The following CAMTA1 variants were observed in gnomAD, a reference collection of about 807,000 sequenced individuals.
CAMTA1 encodes calmodulin binding transcription activator 1, also known as calmodulin-binding transcription activator 1.
CAMTA1 carries 27 observed loss-of-function variants against 170.9 expected under a neutral mutation model. The ratio of observed to expected loss-of-function variants is 0.16; its 90% confidence interval spans 0.12 to 0.22. CAMTA1 has a LOEUF of 0.22. CAMTA1 is among the 10% of genes least tolerant of loss of function. The pLI is 1.00. For missense variants in CAMTA1, 1,619 were observed against 2,217.2 expected (o/e 0.73, Z 5.42); for synonymous variants, 833 against 891.5 (o/e 0.93, Z 1.17).
chr1:7,090,456 G>A (rs999721332), intron 3 of CAMTA1, among the ~76,000 whole-genome samples: 6 of 152,176 alleles, frequency 3.9e-5, no homozygotes, highest in Non-Finnish European at 7.3e-5. Context: ...AGGGAGACAT[G>A]TACTAGTCCA....
chr1:6,827,070 A>C (rs998012636), intron 3 of CAMTA1, among the ~76,000 whole-genome samples: 1 of 152,218 alleles, frequency 6.6e-6, no homozygotes, highest in South Asian at 2.1e-4. Context: ...TTCTTTCTGG[A>C]CCTCAGTCCA....
rs1220875307 is a variant in CAMTA1, at chr1:7,682,997, C to G, written c.2914+5264C>G. Among the ~76,000 whole-genome samples the G allele has an allele frequency of 6.6e-6, 1 of 152,068 alleles. No individual in the cohort carries two copies. The highest frequency in any genetic ancestry group is 1.5e-5 in the Non-Finnish European group (1 of 68,006). On this transcript the variant is annotated intron_variant, in intron 11 of 22. Transcript: ENST00000303635. This position sits in a 1 kb window ranked among gnomAD's most constrained non-coding sequence, Gnocchi z 5.0. ...CCATCCTGGTTAACACGGTGAAACC[C>G]CGCCTCTACTAAAAATACAAAAACA...
chr1:7,598,989 G>C (rs2095421096), intron 6 of CAMTA1, among the ~76,000 whole-genome samples: 1 of 152,148 alleles, frequency 6.6e-6, no homozygotes, highest in Non-Finnish European at 1.5e-5. Flanking sequence ...ATTGCTTTTG[G>C]TGTTTTAGAC....
rs192127003 is a variant in CAMTA1 at position 7,642,870 on chromosome 1, C to T, written c.664+2317C>T. Among the ~76,000 whole-genome samples the T allele has an allele frequency of 9.9e-3, 1,512 of 152,278 alleles. 10 individuals are homozygous for T. Among genetic ancestry groups the T allele is most frequent in the Non-Finnish European group, 0.017 (1,159 of 67,988 alleles). ...CAGGGGGCCCGGCTCAGCTCCTCCA[C>T]CCCTGCACACCATGTCCAAGGGGCT... On this transcript the variant is annotated intron_variant, in intron 7 of 22. Coordinates refer to ENST00000303635, the MANE Select transcript of CAMTA1 (RefSeq NM_015215.4). This position sits in a 1 kb window ranked among gnomAD's most constrained non-coding sequence, Gnocchi z 6.3.
intron 1 of CAMTA1, among the ~76,000 whole-genome samples, chr1:6,788,656 C>T (rs1264582645): frequency 6.6e-6 from 1 of 150,862 alleles, no homozygotes; most frequent in Non-Finnish European, 1.5e-5. Context: ...GGAGTCATCC[C>T]GTTTCCAGTG....
chr1:7,343,720 T>G (rs774491979), intron 5 of CAMTA1, among the ~76,000 whole-genome samples: 2 of 152,220 alleles, frequency 1.3e-5, no homozygotes, highest in Non-Finnish European at 2.9e-5. Flanking sequence ...GTCTTATGAC[T>G]TATAAGTGCA....
At position 7,582,148 on chromosome 1, in the gene CAMTA1, A is replaced by G. The variant is rs113706724; in HGVS notation, c.511-58252A>G. On this transcript the variant is annotated intron_variant, in intron 6 of 22. Transcript: ENST00000303635. ...ATCCCTGAGCTGGAGTCTGTGCTCC[A>G]GGAGGCTGTCCCCAGCAACGGCAGG... Among the ~76,000 whole-genome samples, 456 of 152,300 alleles carry G rather than the reference A, an allele frequency of 3.0e-3. 4 individuals carry two copies. Among genetic ancestry groups the G allele is most frequent in the African/African-American group, 0.01 (435 of 41,564 alleles).
At chr1:6,833,867 C>T (rs988750830) in intron 3 of CAMTA1, among the ~76,000 whole-genome samples, 1 of 152,192 alleles carries the variant, frequency 6.6e-6, no homozygotes, top group East Asian at 1.9e-4. Context: ...TATGGACTTA[C>T]AGCCCCTTGA....
At chr1:7,705,562 C>T (rs1276074629) in intron 11 of CAMTA1, among the ~76,000 whole-genome samples, 2 of 150,886 alleles carry the variant, frequency 1.3e-5, no homozygotes, top group African/African-American at 4.8e-5. Flanking sequence ...GGGCCCGGCC[C>T]GGCCGGCGGC....
At chr1:7,285,229 C>T (rs1352013829) in intron 5 of CAMTA1, among the ~76,000 whole-genome samples, 2 of 152,208 alleles carry the variant, frequency 1.3e-5, no homozygotes, top group East Asian at 3.8e-4. Flanking sequence ...GAGCCCATTT[C>T]CTGTTCTTTG....
intron 3 of CAMTA1, among the ~76,000 whole-genome samples, chr1:6,841,638 G>T (rs1315586621): frequency 6.6e-6 from 1 of 152,162 alleles, no homozygotes; most frequent in East Asian, 1.9e-4. Flanking sequence ...ACAGAGGACA[G>T]CTCTGAGAGG....
intron 6 of CAMTA1, among the ~76,000 whole-genome samples, chr1:7,475,922 CA>C (rs2093413263): frequency 6.6e-6 from 1 of 152,218 alleles, no homozygotes; most frequent in Non-Finnish European, 1.5e-5. Flanking sequence ...AAGGTGCACA[CA>C]TGTGCAGTGA....
intron 8 of CAMTA1, among the ~76,000 whole-genome samples, chr1:7,662,068 A>G (rs1370301307): frequency 6.6e-6 from 1 of 152,230 alleles, no homozygotes; most frequent in African/African-American, 2.4e-5. Context: ...ACTGGCTGGC[A>G]GTCCGCTCTG....
rs557194728 is a variant in CAMTA1, at chr1:7,663,157, C to T, written c.806-196C>T. Among the ~76,000 whole-genome samples, 34 of 152,336 alleles carry T rather than the reference C, an allele frequency of 2.2e-4. No homozygotes were observed. The East Asian group carries it at 6.0e-3, about 27-fold the overall frequency. ...GGTCAAAGGGGCGTGGGACGGCCCC[C>T]GGGCTTGGGGTACGTGTCCAAGGGC... On this transcript the variant is annotated intron_variant, in intron 8 of 22. Transcript: ENST00000303635.
At chr1:6,798,745 C>CA (rs1643195107) in intron 1 of CAMTA1, among the ~76,000 whole-genome samples, 8 of 141,988 alleles carry the variant, frequency 5.6e-5, no homozygotes, top group African/African-American at 2.1e-4. Flanking sequence ...TACAGGCGCC[C>CA]GCCACCGCGC....
rs557285926 is a variant in CAMTA1, at chr1:7,592,125, C to T, written c.511-48275C>T. 2.3e-3 allele frequency among the ~76,000 whole-genome samples: 348 copies of T among 152,268 alleles called. No homozygotes were observed. The highest frequency in any genetic ancestry group is 8.2e-3 in the African/African-American group (341 of 41,560). ...TGTTGGCCAGGCTGGTCTCGAACTC[C>T]TGACCTCAGATGATCTGCCCGCCTC... On this transcript the variant is annotated intron_variant, in intron 6 of 22. Transcript: ENST00000303635. The surrounding 1 kb of genome is among the most constrained non-coding windows in gnomAD (Gnocchi z 4.6).
chr1:7,614,232 A>G (rs1326740697), intron 6 of CAMTA1, among the ~76,000 whole-genome samples: 1 of 152,010 alleles, frequency 6.6e-6, no homozygotes, highest in African/African-American at 2.4e-5. Flanking sequence ...GTTGGGGTCA[A>G]AGGCGGCTGA....
At position 6,974,280 on chromosome 1, in the gene CAMTA1, T is replaced by A. The variant is rs1237318272; in HGVS notation, c.235-117024T>A. Among the ~76,000 whole-genome samples, 4 of 152,194 alleles carry A rather than the reference T, an allele frequency of 2.6e-5. No individual in the cohort carries two copies. The East Asian group carries it at 7.7e-4, about 29-fold the overall frequency. On this transcript the variant is annotated intron_variant, in intron 3 of 22. Coordinates refer to ENST00000303635, the MANE Select transcript of CAMTA1 (RefSeq NM_015215.4). ...TCATACAGTAACAAAACAATACAGT[T>A]GTGTATTCCCATAATATCCCTTCAG...
chr1:7,484,045 G>A (rs2093580697), intron 6 of CAMTA1, among the ~76,000 whole-genome samples: 1 of 152,214 alleles, frequency 6.6e-6, no homozygotes, highest in Admixed American at 6.5e-5. Flanking sequence ...ACTTCATTAT[G>A]GGCTAAAATA....
Sources: gnomAD v4.1 joint callset for allele counts (sites outside exome capture counted in the v4.1 genomes callset) on GRCh38, gnomAD v4.1.1 for gene constraint, Gnocchi (gnomAD v3.1) non-coding constraint, MANE v1.5 for transcripts, NCBI Gene and HGNC (gene_info 2026-07-23, HGNC 2026-07-21) for gene names.